USP15: variants seen among roughly 807,000 people sequenced by gnomAD.
USP15 encodes ubiquitin specific peptidase 15, also known as ubiquitin carboxyl-terminal hydrolase 15.
A neutral mutation model predicts 127.1 loss-of-function variants in USP15; 18 were observed. The ratio of observed to expected loss-of-function variants is 0.14; its 90% confidence interval spans 0.10 to 0.21. The LOEUF (loss-of-function observed/expected upper bound fraction) is 0.21, where lower values mean the gene tolerates loss of function less well. Among genes scored for constraint, USP15 ranks in the 10% least tolerant of loss-of-function variants. USP15 has a pLI of 1.00. For missense variants in USP15, 805 were observed against 1,159.9 expected (o/e 0.69, Z 4.44); for synonymous variants, 364 against 393.7 (o/e 0.92, Z 0.89).
At chr12:62,354,364 C>G (rs1308415686) in intron 7 of USP15, among the ~76,000 whole-genome samples, 1 of 151,694 alleles carries the variant, frequency 6.6e-6, no homozygotes, top group Non-Finnish European at 1.5e-5. Context: ...TAAAGCTGTT[C>G]TATTTATAGC....
intron 8 of USP15, among the ~76,000 whole-genome samples, chr12:62,366,049 T>A (rs1222536863): frequency 6.6e-6 from 1 of 152,218 alleles, no homozygotes. Flanking sequence ...CTTTTCTGGT[T>A]CCATATGAAG....
In USP15 at chr12:62,381,696, C is replaced by T. The variant is rs776489795; in HGVS notation, c.1089+33C>T. 1.9e-6 allele frequency: 3 copies of T among 1,585,288 alleles called. No individual in the cohort carries two copies. In the East Asian group the frequency reaches 6.7e-5, roughly 36 times the overall value. ...TGGTAAATGCATTTTAGCAAGGGTA[C>T]CTGCAAGGGTACAAAAGTTGGTTCT... On this transcript the variant is annotated intron_variant, in intron 9 of 21. Coordinates refer to ENST00000280377, the MANE Select transcript of USP15 (RefSeq NM_001252078.2).
At chr12:62,260,741 C>T (rs1365621943) in intron 1 of USP15, among the ~76,000 whole-genome samples, 1 of 152,156 alleles carries the variant, frequency 6.6e-6, no homozygotes, top group African/African-American at 2.4e-5. Context: ...GCGGCGGCGG[C>T]GGTTCTGACT....
At chr12:62,395,249 T>C (rs914127689) in intron 19 of USP15, among the ~76,000 whole-genome samples, 1 of 152,204 alleles carries the variant, frequency 6.6e-6, no homozygotes, top group Admixed American at 6.5e-5. Context: ...AATAAAGATC[T>C]ACTGGACCCA....
In USP15 at chr12:62,406,175, T is replaced by C. The variant is rs1302471040; in HGVS notation, c.*1800T>C. On this transcript the variant is annotated 3_prime_UTR_variant, in exon 22 of 22. Coordinates refer to ENST00000280377, the MANE Select transcript of USP15 (RefSeq NM_001252078.2). Reference sequence around the variant, plus strand: ...TTAATAAAAATCCCCTACTTTATGGTTAGATGACTATATGCTAGACTTTTT... The same window carrying C: ...TTAATAAAAATCCCCTACTTTATGGCTAGATGACTATATGCTAGACTTTTT... The C allele has an allele frequency of 6.6e-6, 1 of 152,104 alleles. No homozygotes were observed. Among genetic ancestry groups the C allele is most frequent in the Admixed American group, 6.6e-5 (1 of 15,260 alleles). 9.4% of individuals were successfully genotyped at this position (152,104 alleles called of 1,614,324 possible).
intron 1 of USP15, among the ~76,000 whole-genome samples, chr12:62,275,517 A>G (rs1003793290): frequency 1.3e-4 from 20 of 152,028 alleles, no homozygotes; most frequent in African/African-American, 4.6e-4. Context: ...GGCCCATTAG[A>G]CTAGGAAGAC....
intron 6 of USP15, among the ~76,000 whole-genome samples, chr12:62,344,613 C>G (rs2065754423): frequency 6.6e-6 from 1 of 152,234 alleles, no homozygotes; most frequent in African/African-American, 2.4e-5. Flanking sequence ...TAGGGACTCT[C>G]TATGGGGGCT....
chr12:62,340,917 C>G (rs939427461), intron 6 of USP15, among the ~76,000 whole-genome samples: 1 of 152,148 alleles, frequency 6.6e-6, no homozygotes, highest in Admixed American at 6.5e-5. Flanking sequence ...GAGTTCAAGT[C>G]CTGAATATCC....
chr12:62,408,888 A>G lies in USP15; in HGVS notation c.*4513A>G, dbSNP rs909959870. On this transcript the variant is annotated 3_prime_UTR_variant, in exon 22 of 22. Coordinates refer to ENST00000280377, the MANE Select transcript of USP15 (RefSeq NM_001252078.2). ...CGTGTTTAATTCGTATTTACTATAT[A>G]TTAAAAGAATTTCCAAATAGCTCAG... is the stretch of plus-strand genomic sequence containing the variant. 1 of 152,090 alleles carries G rather than the reference A, an allele frequency of 6.6e-6. No homozygotes were observed. The highest frequency in any genetic ancestry group is 2.4e-5 in the African/African-American group (1 of 41,424). The allele number at this position is 152,090 out of a possible 1,614,324, so 9.4% of individuals were successfully genotyped here.
chr12:62,268,116 T>C (rs1455274763), intron 1 of USP15, among the ~76,000 whole-genome samples: 1 of 152,176 alleles, frequency 6.6e-6, no homozygotes, highest in Admixed American at 6.5e-5. Context: ...TTTTAAAAGT[T>C]CTCTAGATAC....
chr12:62,348,455 T>A (rs1056253794), intron 6 of USP15, among the ~76,000 whole-genome samples: 9 of 152,198 alleles, frequency 5.9e-5, no homozygotes, highest in Non-Finnish European at 1.2e-4. Context: ...ACTGAGTCAC[T>A]GGACTGAAGC....
intron 1 of USP15, among the ~76,000 whole-genome samples, chr12:62,273,790 T>C (rs1440890116): frequency 2.0e-5 from 3 of 152,082 alleles, no homozygotes; most frequent in East Asian, 1.9e-4. Flanking sequence ...TGGGCTCTTA[T>C]TCTACGAAGT....
intron 1 of USP15, chr12:62,278,685 C>G (rs1469324906): frequency 6.6e-6 from 1 of 152,140 alleles, no homozygotes; most frequent in African/African-American, 2.4e-5. Context: ...GAGTTACAGC[C>G]TGCTAAACTC....
chr12:62,335,728 C>T (rs138528984), intron 6 of USP15: 1 of 985,300 alleles, frequency 1.0e-6, no homozygotes, highest in Non-Finnish European at 1.2e-6. Flanking sequence ...CTTTGACAGC[C>T]ACCTACATTT....
intron 8 of USP15, among the ~76,000 whole-genome samples, chr12:62,357,352 T>A (rs1333627815): frequency 6.6e-6 from 1 of 152,110 alleles, no homozygotes; most frequent in African/African-American, 2.4e-5. Context: ...TAAGCTAGAT[T>A]TGGCATCGTT....
At chr12:62,383,234 G>A (rs75712157) in intron 9 of USP15, among the ~76,000 whole-genome samples, 1 of 151,792 alleles carries the variant, frequency 6.6e-6, no homozygotes, top group Non-Finnish European at 1.5e-5. Context: ...GAAACTATAG[G>A]GTTTGATTCC....
intron 1 of USP15, among the ~76,000 whole-genome samples, chr12:62,270,799 CCTCTT>C: frequency 6.6e-6 from 1 of 151,858 alleles, no homozygotes. Flanking sequence ...TTGTTTTGGC[CCTCTT>C]CTCTTATTAG....
At chr12:62,293,733 T>G (rs1483819244) in intron 1 of USP15, among the ~76,000 whole-genome samples, 1 of 152,216 alleles carries the variant, frequency 6.6e-6, no homozygotes, top group Non-Finnish European at 1.5e-5. Context: ...TCTCTCTGAT[T>G]ATGATTATTA....
intron 6 of USP15, among the ~76,000 whole-genome samples, chr12:62,347,255 TA>T: frequency 6.6e-6 from 1 of 151,560 alleles, no homozygotes; most frequent in South Asian, 2.1e-4. Flanking sequence ...TGCTAATTAA[TA>T]ATAAAAAAGG....
Sources: gnomAD v4.1 joint callset for allele counts (sites outside exome capture counted in the v4.1 genomes callset) on GRCh38, gnomAD v4.1.1 for gene constraint, MANE v1.5 for transcripts, NCBI Gene and HGNC (gene_info 2026-07-23, HGNC 2026-07-21) for gene names.